The following SLC14A1 variants were observed in gnomAD, a reference collection of about 807,000 sequenced individuals.
The protein encoded by SLC14A1 is solute carrier family 14 member 1 (Kidd blood group).
Under a neutral mutation model 39.6 loss-of-function variants are expected in SLC14A1, and 36 were observed. That is an observed-to-expected ratio of 0.91 (90% confidence interval 0.70 to 1.20). The LOEUF (loss-of-function observed/expected upper bound fraction) is 1.20, where lower values mean the gene tolerates loss of function less well. SLC14A1 is among the 50% of genes most tolerant of loss of function. The pLI, the probability that SLC14A1 is intolerant of heterozygous loss-of-function variation, is 0.00. For synonymous variants in SLC14A1, 164 were observed against 173.6 expected (o/e 0.94, Z 0.43); for missense variants, 469 against 478.7 (o/e 0.98, Z 0.19).
Position 45,749,784 on chromosome 18 carries a change from T to G in SLC14A1, c.1003T>G (p.Leu335Val). 6.2e-7 allele frequency: 1 copy of G among 1,614,180 alleles called. No homozygotes were observed. Among genetic ancestry groups the G allele is most frequent in the Non-Finnish European group, 8.5e-7 (1 of 1,180,022 alleles). Residue 335 changes from leucine (L) to valine (V), a missense_variant, in exon 10 of 10, where the codon TTG (leucine) becomes GTG (valine). Physicochemically the swap from Leu to Val is conservative, Grantham distance 32. Transcript: ENST00000321925. Reference protein sequence around the residue: ...GMANFMAEVGLPACTWPFCLA... With the variant: ...GMANFMAEVGVPACTWPFCLA... Reference sequence around the variant, plus strand: ...GCTTTCTCTTCTTCCCCAGGTTGGATTGCCAGCTTGTACCTGGCCCTTCTG... The same window carrying G: ...GCTTTCTCTTCTTCCCCAGGTTGGAGTGCCAGCTTGTACCTGGCCCTTCTG...
chr18:45,736,338 C>G (rs2047192886), intron 5 of SLC14A1, 118 bp from the exon 6 acceptor site: 1 of 931,224 alleles, frequency 1.1e-6, no homozygotes, highest in Non-Finnish European at 1.8e-6. Flanking sequence ...GCAAATGTGC[C>G]AACACAACAC....
At position 45,748,375 on chromosome 18, in the gene SLC14A1, G is replaced by T; in HGVS notation, c.947-1G>T. On this transcript the variant is annotated splice_acceptor_variant, in intron 8 of 9. Transcript: ENST00000321925. LOFTEE classifies it high-confidence loss of function. ...TCTTTCCCTCCTTTTTTTTTCTGTA[G>T]CCCTGTTCACGGCCTATCTTGGAGT... The T allele has an allele frequency of 6.2e-7, 1 of 1,613,570 alleles. No individual in the cohort carries two copies. The highest frequency in any genetic ancestry group is 8.5e-7 in the Non-Finnish European group (1 of 1,179,852).
chr18:45,748,950 T>A (rs756759933), intron 9 of SLC14A1, among the ~76,000 whole-genome samples: 15 of 152,238 alleles, frequency 9.9e-5, no homozygotes, highest in Middle Eastern at 3.4e-3. Flanking sequence ...CACACATGCA[T>A]GATGGAGAGT....
intron 6 of SLC14A1, among the ~76,000 whole-genome samples, chr18:45,738,504 ATTT>A (rs1568039642): frequency 6.6e-6 from 1 of 152,214 alleles, no homozygotes; most frequent in Non-Finnish European, 1.5e-5. Flanking sequence ...ATTTCCATGT[ATTT>A]TTGTGTTTTG....
At chr18:45,732,995 G>A (rs543801562) in intron 4 of SLC14A1, among the ~76,000 whole-genome samples, 3 of 152,318 alleles carry the variant, frequency 2.0e-5, no homozygotes, top group African/African-American at 7.2e-5. Flanking sequence ...GTGAATTAAT[G>A]TAGTAACAGA....
At chr18:45,745,289 T>C (rs2047515799) in intron 8 of SLC14A1, among the ~76,000 whole-genome samples, 1 of 152,134 alleles carries the variant, frequency 6.6e-6, no homozygotes. Flanking sequence ...TGTCCTTCTT[T>C]TATGGTATTT....
chr18:45,750,736 G>C lies in SLC14A1; in HGVS notation c.*785G>C, dbSNP rs1351006806. On this transcript the variant is annotated 3_prime_UTR_variant, in exon 10 of 10. Coordinates refer to ENST00000321925, the MANE Select transcript of SLC14A1 (RefSeq NM_015865.7). ...ATAGGAGAAGTTCCTGGCTTAACCT[G>C]TTCTTACATATTAAAGAAAAGTTAC... 1.0e-6 allele frequency: 1 copy of C among 984,752 alleles called. No individual in the cohort carries two copies. The highest frequency in any genetic ancestry group is 6.1e-5 in the Admixed American group (1 of 16,264). 61.0% of individuals were successfully genotyped at this position (984,752 alleles called of 1,614,324 possible). A position where few individuals can be genotyped will look rare whatever the true frequency, so the allele number is the denominator to read the frequency against.
intron 3 of SLC14A1, among the ~76,000 whole-genome samples, 181 bp downstream of exon 3, chr18:45,730,652 C>A (rs889130581): frequency 6.6e-6 from 1 of 152,154 alleles, no homozygotes; most frequent in South Asian, 2.1e-4. Context: ...CTTATGGAGA[C>A]AGTAGCCAGG....
At chr18:45,741,132 G>T (rs2047366856) in intron 8 of SLC14A1, 1 of 152,224 alleles carries the variant, frequency 6.6e-6, no homozygotes, top group Non-Finnish European at 1.5e-5. Flanking sequence ...GCACTCCTCT[G>T]CTTCCCTTTT....
Position 45,751,059 on chromosome 18 carries a change from G to A in SLC14A1, c.*1108G>A, listed in dbSNP as rs557285091. 1.4e-5 allele frequency: 14 copies of A among 982,138 alleles called. No individual in the cohort carries two copies. The highest frequency in any genetic ancestry group is 1.7e-5 in the Non-Finnish European group (14 of 827,004). The allele number at this position is 982,138 out of a possible 1,614,324, so 60.8% of individuals were successfully genotyped here. On this transcript the variant is annotated 3_prime_UTR_variant, in exon 10 of 10. Transcript: ENST00000321925. ...TTGAACCACCAAAAAGAAATAAAGG[G>A]CTGAGTGCGGTGGCTCACGCCTGTA...
At position 45,751,921 on chromosome 18, in the gene SLC14A1, A is replaced by G; in HGVS notation, c.*1970A>G. The G allele has an allele frequency of 2.0e-6, 2 of 985,360 alleles. No homozygotes were observed. The highest frequency in any genetic ancestry group is 2.4e-6 in the Non-Finnish European group (2 of 829,894). The allele number at this position is 985,360 out of a possible 1,614,324, so 61.0% of individuals were successfully genotyped here. On this transcript the variant is annotated 3_prime_UTR_variant, in exon 10 of 10. Transcript: ENST00000321925. Reference sequence around the variant, plus strand: ...AATCCTGAAGATTTTTTCCACTTCTAGTTTGCAGTGCTCAGTGCACAATAT... The same window carrying G: ...AATCCTGAAGATTTTTTCCACTTCTGGTTTGCAGTGCTCAGTGCACAATAT...
intron 9 of SLC14A1, 92 bp from the exon 10 acceptor site, chr18:45,749,686 C>A: frequency 6.8e-7 from 1 of 1,467,022 alleles, no homozygotes; most frequent in Non-Finnish European, 9.5e-7. Flanking sequence ...GTTCATCCCC[C>A]TGGGCTGAAT....
intron 4 of SLC14A1, among the ~76,000 whole-genome samples, chr18:45,733,077 A>T (rs564722802): frequency 6.6e-6 from 1 of 152,332 alleles, no homozygotes; most frequent in African/African-American, 2.4e-5. Context: ...TGGAAATAGT[A>T]GACAACTGGG....
At position 45,730,542 on chromosome 18, in the gene SLC14A1, A is replaced by G. The variant is rs1305813729; in HGVS notation, c.151+71A>G. On this transcript the variant is annotated intron_variant, in intron 3 of 9. Transcript: ENST00000321925. ...GGGGAAATGGTTTCCTGGTACTTCT[A>G]CTTATACCTTTAGTTATATTCTCCA... 34 of 1,498,938 alleles carry G rather than the reference A, an allele frequency of 2.3e-5. 1 individual carries two copies. The Admixed American group carries it at 5.7e-4, about 25-fold the overall frequency. 92.9% of individuals were successfully genotyped at this position (1,498,938 alleles called of 1,614,324 possible). A position where few individuals can be genotyped will look rare whatever the true frequency, so the allele number is the denominator to read the frequency against.
At chr18:45,728,000 A>G (rs529609761) in intron 2 of SLC14A1, among the ~76,000 whole-genome samples, 1 of 152,300 alleles carries the variant, frequency 6.6e-6, no homozygotes, top group East Asian at 1.9e-4. Context: ...GGACTCTAAA[A>G]TAGCAGCAAC....
Position 45,734,362 on chromosome 18 carries a change from T to C in SLC14A1, c.430T>C (p.Trp144Arg), listed in dbSNP as rs1267931684. The C allele has an allele frequency of 6.2e-7, 1 of 1,613,954 alleles. No homozygotes were observed. ...CTTTTCGGACAAGGGAGACTATTTC[T>C]GGTGGCTGTTACTCCCTGTATGTGC... ...AVFSDKGDYF[W>R]WLLLPVCAMS... The change falls in exon 5 of 10, where the codon TGG becomes CGG. Residue 144 changes from tryptophan to arginine, a missense_variant. By Grantham distance (101) the Trp-to-Arg change is moderately radical. Transcript: ENST00000321925.
In SLC14A1 at chr18:45,736,633, C is replaced by A; in HGVS notation, c.648C>A (p.Asp216Glu). The change falls in exon 6 of 10, where the codon GAC (aspartate) becomes GAA (glutamate). Residue 216 changes from aspartate (D) to glutamate (E), a missense_variant. Coordinates refer to ENST00000321925, the MANE Select transcript of SLC14A1 (RefSeq NM_015865.7). The stretch of plus-strand genomic sequence containing the variant: ...CAGCTCCAAATATCTCCTGGTCTGA[C>A]CTCAGTGCCCTGGAGGTAAGAGACA... ...ITTAPNISWSDLSALELLKSI... is the reference protein window; with the variant it reads ...ITTAPNISWSELSALELLKSI... The A allele has an allele frequency of 6.2e-7, 1 of 1,614,152 alleles. No individual in the cohort carries two copies. Among genetic ancestry groups the A allele is most frequent in the Non-Finnish European group, 8.5e-7 (1 of 1,179,994 alleles).
chr18:45,735,444 T>C (rs561084270), intron 5 of SLC14A1, among the ~76,000 whole-genome samples: 3 of 152,056 alleles, frequency 2.0e-5, no homozygotes, highest in Non-Finnish European at 4.4e-5. Flanking sequence ...TTAGAAAAAA[T>C]TTTTTTGCTG....
Position 45,751,905 on chromosome 18 carries a change from G to A in SLC14A1, c.*1954G>A, listed in dbSNP as rs2047720996. 1 of 985,166 alleles carries A rather than the reference G, an allele frequency of 1.0e-6. No individual in the cohort carries two copies. Among genetic ancestry groups the A allele is most frequent in the African/African-American group, 1.7e-5 (1 of 57,206 alleles). The allele number at this position is 985,166 out of a possible 1,614,324, so 61.0% of individuals were successfully genotyped here. On this transcript the variant is annotated 3_prime_UTR_variant, in exon 10 of 10. Coordinates refer to ENST00000321925, the MANE Select transcript of SLC14A1 (RefSeq NM_015865.7). Reference sequence around the variant, plus strand: ...GAAAGTGAAACGTAGGAATCCTGAAGATTTTTTCCACTTCTAGTTTGCAGT... The same window carrying A: ...GAAAGTGAAACGTAGGAATCCTGAAAATTTTTTCCACTTCTAGTTTGCAGT...
Sources: gnomAD v4.1 joint callset for allele counts (sites outside exome capture counted in the v4.1 genomes callset) on GRCh38, gnomAD v4.1.1 for gene constraint, MANE v1.5 for transcripts, NCBI Gene and HGNC (gene_info 2026-07-23, HGNC 2026-07-21) for gene names.